The following TFEC variants were observed in gnomAD, a reference collection of about 807,000 sequenced individuals.
TFEC encodes the protein class E basic helix-loop-helix protein 34.
TFEC carries 31 observed loss-of-function variants against 41.6 expected under a neutral mutation model. The ratio of observed to expected loss-of-function variants is 0.74; its 90% confidence interval spans 0.56 to 1.01. The LOEUF (loss-of-function observed/expected upper bound fraction) is 1.01, where lower values mean the gene tolerates loss of function less well. Among genes scored for constraint, TFEC ranks in the 50% least tolerant of loss-of-function variants. TFEC has a pLI of 0.00. For missense variants in TFEC, 402 were observed against 404.1 expected (o/e 0.99, Z 0.04); for synonymous variants, 143 against 140.6 (o/e 1.02, Z -0.12).
intron 3 of TFEC, among the ~76,000 whole-genome samples, chr7:116,100,007 G>A (rs1011118228): frequency 1.3e-5 from 2 of 152,168 alleles, no homozygotes; most frequent in Non-Finnish European, 2.9e-5. Flanking sequence ...CATCAATGTA[G>A]ATGGTATGGG....
chr7:116,047,135 T>G (rs1796184761), intron 3 of TFEC, among the ~76,000 whole-genome samples: 1 of 152,132 alleles, frequency 6.6e-6, no homozygotes, highest in South Asian at 2.1e-4. Context: ...CATTTCCAAC[T>G]GAGGTACCAG....
chr7:115,941,095 T>C, intron 7 of TFEC, 164 bp from the exon 8 acceptor site: 1 of 696,116 alleles, frequency 1.4e-6, no homozygotes, highest in East Asian at 3.0e-5. Context: ...GATACATTTC[T>C]GATGCATGAA....
At chr7:116,017,971 A>T (rs1795256791) in intron 1 of TFEC, among the ~76,000 whole-genome samples, 1 of 108,954 alleles carries the variant, frequency 9.2e-6, no homozygotes, top group Admixed American at 8.9e-5. Context: ...ATTATTGGAC[A>T]TCCAGTGTTG....
chr7:116,112,136 A>G (rs1270352279), intron 1 of TFEC: 1 of 517,442 alleles, frequency 1.9e-6, no homozygotes, highest in African/African-American at 2.1e-5. Context: ...AGGCAAAAAC[A>G]TACATTGGAT....
intron 1 of TFEC, among the ~76,000 whole-genome samples, chr7:116,020,280 T>C (rs1047836328): frequency 6.6e-6 from 1 of 152,176 alleles, no homozygotes; most frequent in Non-Finnish European, 1.5e-5. Context: ...GAGAATACCT[T>C]GTGCAGAGGA....
At chr7:116,006,728 G>T (rs1026065579) in intron 1 of TFEC, among the ~76,000 whole-genome samples, 11 of 152,100 alleles carry the variant, frequency 7.2e-5, no homozygotes, top group African/African-American at 2.7e-4. Context: ...CATGAGATTT[G>T]GGAGGGATGG....
chr7:115,992,855 GA>G (rs1168390043), intron 1 of TFEC, among the ~76,000 whole-genome samples: 1 of 152,166 alleles, frequency 6.6e-6, no homozygotes, highest in Non-Finnish European at 1.5e-5. Flanking sequence ...CTCATTTTAT[GA>G]GGCCAGCATC....
chr7:116,086,575 C>G (rs1797208228), intron 3 of TFEC, among the ~76,000 whole-genome samples: 1 of 150,990 alleles, frequency 6.6e-6, no homozygotes, highest in Admixed American at 6.6e-5. Flanking sequence ...TATGAGTACC[C>G]CCCCACTGTT....
chr7:116,057,970 G>A (rs1796467934), intron 3 of TFEC, among the ~76,000 whole-genome samples: 1 of 151,778 alleles, frequency 6.6e-6, no homozygotes, highest in Non-Finnish European at 1.5e-5. Context: ...AATGAGGAAA[G>A]AGTGAGCATA....
chr7:116,029,861 C>A (rs1795728078), intron 1 of TFEC, among the ~76,000 whole-genome samples: 1 of 151,314 alleles, frequency 6.6e-6, no homozygotes. Context: ...GAGTTCAAGA[C>A]AAGCCTGGCC....
At chr7:116,008,750 G>T (rs938385520) in intron 1 of TFEC, among the ~76,000 whole-genome samples, 1 of 152,130 alleles carries the variant, frequency 6.6e-6, no homozygotes, top group African/African-American at 2.4e-5. Flanking sequence ...AAATTATACA[G>T]TCGAGCTTGT....
chr7:115,973,707 T>C (rs529665872), intron 3 of TFEC, among the ~76,000 whole-genome samples: 1 of 152,154 alleles, frequency 6.6e-6, no homozygotes, highest in African/African-American at 2.4e-5. Context: ...CTTTAACCTC[T>C]GGCTATTGGC....
chr7:116,109,154 T>C (rs1054681899), intron 3 of TFEC, among the ~76,000 whole-genome samples: 1 of 151,890 alleles, frequency 6.6e-6, no homozygotes, highest in African/African-American at 2.4e-5. Flanking sequence ...ATTCAGGACA[T>C]AGGCATGGGC....
intron 2 of TFEC, among the ~76,000 whole-genome samples, chr7:115,975,133 C>A (rs1168145789): frequency 6.6e-6 from 1 of 151,946 alleles, no homozygotes; most frequent in Non-Finnish European, 1.5e-5. Flanking sequence ...TTTCTCAGTT[C>A]TTTTCTAAAA....
chr7:116,005,783 A>G (rs1439909591), intron 1 of TFEC, among the ~76,000 whole-genome samples: 1 of 152,190 alleles, frequency 6.6e-6, no homozygotes, highest in Admixed American at 6.5e-5. Flanking sequence ...AGACCTTGGA[A>G]GCAGCCTCTA....
At chr7:115,941,841 C>T in intron 7 of TFEC, 52 bp downstream of exon 7, 1 of 1,551,436 alleles carries the variant, frequency 6.4e-7, no homozygotes. Context: ...AAACTGATGA[C>T]AGCTGAGTCA....
chr7:116,135,224 A>G (rs1264359453), intron 1 of TFEC, among the ~76,000 whole-genome samples: 1 of 152,120 alleles, frequency 6.6e-6, no homozygotes, highest in Admixed American at 6.6e-5. Context: ...TTATAAATAT[A>G]ATCCATGTTA....
intron 1 of TFEC, among the ~76,000 whole-genome samples, chr7:115,997,950 A>G (rs1248209127): frequency 6.6e-6 from 1 of 152,140 alleles, no homozygotes; most frequent in Non-Finnish European, 1.5e-5. Flanking sequence ...GCATGCCTAC[A>G]GGATCCACAA....
At chr7:115,986,744 C>A (rs146820932) in intron 1 of TFEC, among the ~76,000 whole-genome samples, 3 of 119,028 alleles carry the variant, frequency 2.5e-5, no homozygotes, top group African/African-American at 1.0e-4. Flanking sequence ...GAACATCACA[C>A]ACCAGGGCCT....
Sources: allele counts gnomAD v4.1 joint callset (sites outside exome capture counted in the v4.1 genomes callset), GRCh38; gene constraint gnomAD v4.1.1; transcripts MANE v1.5; gene names NCBI Gene and HGNC (gene_info 2026-07-23, HGNC 2026-07-21).